The following XRCC4 variants were observed in gnomAD, a reference collection of about 807,000 sequenced individuals.
The protein encoded by XRCC4 is X-ray repair cross complementing 4, also known as DNA repair protein XRCC4.
In XRCC4, 28 loss-of-function variants were observed where a neutral mutation model predicts 39.1. That is an observed-to-expected ratio of 0.72 (90% CI 0.53 to 0.98). The LOEUF is 0.98. Ranked by LOEUF, XRCC4 falls within the 50% of genes least tolerant of loss-of-function variation. The pLI is 0.00. For missense variants in XRCC4, 350 were observed against 376.4 expected (o/e 0.93, Z 0.58); for synonymous variants, 123 against 126.4 (o/e 0.97, Z 0.18).
At chr5:83,228,235 T>C (rs1309475894) in intron 6 of XRCC4, among the ~76,000 whole-genome samples, 1 of 152,076 alleles carries the variant, frequency 6.6e-6, no homozygotes, top group Non-Finnish European at 1.5e-5. Flanking sequence ...TAACAATCTT[T>C]ACAATAAAGT....
intron 1 of XRCC4, among the ~76,000 whole-genome samples, chr5:83,089,141 T>C (rs1395699486): frequency 6.6e-6 from 1 of 152,238 alleles, no homozygotes; most frequent in East Asian, 1.9e-4. Context: ...TAAATTGTGA[T>C]ACCTTGATAA....
intron 3 of XRCC4, among the ~76,000 whole-genome samples, chr5:83,153,271 T>C (rs1748803609): frequency 1.3e-5 from 2 of 151,486 alleles, no homozygotes; most frequent in Admixed American, 1.3e-4. Context: ...TGCAGTGGCA[T>C]GATCATGGCT....
At chr5:83,257,415 G>A (rs553705363) in intron 6 of XRCC4, among the ~76,000 whole-genome samples, 44 of 151,124 alleles carry the variant, frequency 2.9e-4, no homozygotes, top group African/African-American at 9.4e-4. Context: ...ACATTTATGC[G>A]GTCAACAGAC....
At chr5:83,342,129 T>C (rs1002835814) in intron 7 of XRCC4, among the ~76,000 whole-genome samples, 2 of 152,228 alleles carry the variant, frequency 1.3e-5, no homozygotes, top group African/African-American at 2.4e-5. Context: ...TTTCAGGTAT[T>C]GATTTTTTAA....
At chr5:83,253,822 C>T (rs934723990) in intron 6 of XRCC4, among the ~76,000 whole-genome samples, 3 of 152,180 alleles carry the variant, frequency 2.0e-5, no homozygotes, top group African/African-American at 7.2e-5. Context: ...AGTGTCATTT[C>T]ATTCCCACAT....
intron 3 of XRCC4, among the ~76,000 whole-genome samples, chr5:83,128,478 G>C (rs1300625317): frequency 6.6e-6 from 1 of 151,978 alleles, no homozygotes; most frequent in East Asian, 1.9e-4. Flanking sequence ...TAATCCTTTG[G>C]GTATATACCC....
the XRCC4 span, among the ~76,000 whole-genome samples, chr5:83,367,991 AAC>A: frequency 6.6e-6 from 1 of 151,990 alleles, no homozygotes; most frequent in Non-Finnish European, 1.5e-5. Context: ...GTATGGAGAA[AAC>A]ACAGCTGATG....
At chr5:83,307,876 G>A (rs1050494162) in intron 7 of XRCC4, among the ~76,000 whole-genome samples, 3 of 152,068 alleles carry the variant, frequency 2.0e-5, no homozygotes, top group East Asian at 1.9e-4. Context: ...AATTCCAGAC[G>A]GAAAATTCCA....
At chr5:83,200,212 A>T (rs1483432049) in intron 4 of XRCC4, among the ~76,000 whole-genome samples, 1 of 152,232 alleles carries the variant, frequency 6.6e-6, no homozygotes, top group Non-Finnish European at 1.5e-5. Flanking sequence ...AAAGGATAGC[A>T]TTCTCTGAGT....
rs1174176365 is a variant in XRCC4, at chr5:83,353,462, C to A, written c.*220C>A. ...ACATTATTCTAAACTATTCATTCAG[C>A]ATGCCTATAATTACATAAATTGTAT... On this transcript the variant is annotated 3_prime_UTR_variant, in exon 8 of 8. Coordinates refer to ENST00000396027, the MANE Select transcript of XRCC4 (RefSeq NM_003401.5). The A allele has an allele frequency of 5.9e-5, 21 of 353,772 alleles. No homozygotes were observed. 21.9% of individuals were successfully genotyped at this position (353,772 alleles called of 1,614,324 possible). A position where few individuals can be genotyped will look rare whatever the true frequency, so the allele number is the denominator to read the frequency against.
At chr5:83,296,039 G>C (rs1256801376) in intron 7 of XRCC4, among the ~76,000 whole-genome samples, 1 of 152,078 alleles carries the variant, frequency 6.6e-6, no homozygotes, top group Non-Finnish European at 1.5e-5. Flanking sequence ...AATAGAGTTT[G>C]ATGCTTTCCA....
intron 7 of XRCC4, among the ~76,000 whole-genome samples, chr5:83,300,491 G>A (rs990480041): frequency 2.0e-5 from 3 of 150,726 alleles, no homozygotes; most frequent in African/African-American, 4.9e-5. Flanking sequence ...AACCTTATGG[G>A]CAAAGTTTAT....
rs1580341276 is a variant in XRCC4 at position 83,184,085 on chromosome 5, G to C, written c.316-11685G>C. ...AAAAAAATTTTTAATAAATATTTTT[G>C]AATGAAAAAATTTGGCAGAATTTTT... On this transcript the variant is annotated intron_variant, in intron 3 of 7. Transcript: ENST00000396027. 4.6e-5 allele frequency among the ~76,000 whole-genome samples: 7 copies of C among 151,948 alleles called. No individual in the cohort carries two copies. In the South Asian group the frequency reaches 1.5e-3, roughly 32 times the overall value.
intron 6 of XRCC4, among the ~76,000 whole-genome samples, chr5:83,256,974 AC>A: frequency 6.6e-6 from 1 of 152,192 alleles, no homozygotes; most frequent in East Asian, 1.9e-4. Context: ...TACATGGAAA[AC>A]CCATAGCAAA....
rs190132628 is a variant in XRCC4 at position 83,307,995 on chromosome 5, A to G, written c.894-45136A>G. Among the ~76,000 whole-genome samples, 65 of 152,350 alleles carry G rather than the reference A, an allele frequency of 4.3e-4. 1 individual carries two copies. The highest frequency in any genetic ancestry group is 3.5e-4 in the Non-Finnish European group (24 of 68,038). On this transcript the variant is annotated intron_variant, in intron 7 of 7. Coordinates refer to ENST00000396027, the MANE Select transcript of XRCC4 (RefSeq NM_003401.5). ...CACACAATATACTCTGTATCTTACC[A>G]GAACATATTATATATTCCTCTTCCA... is the stretch of plus-strand genomic sequence containing the variant.
At chr5:83,105,546 C>T (rs1174326763) in intron 2 of XRCC4, among the ~76,000 whole-genome samples, 6 of 152,028 alleles carry the variant, frequency 3.9e-5, no homozygotes, top group Non-Finnish European at 8.8e-5. Context: ...AAGGTTCACA[C>T]CCACATTTAG....
chr5:83,309,210 C>G (rs1207096826), intron 7 of XRCC4, among the ~76,000 whole-genome samples: 1 of 127,442 alleles, frequency 7.8e-6, no homozygotes, highest in Non-Finnish European at 1.6e-5. Flanking sequence ...ACCCGGGAGG[C>G]GAGCCAAGAT....
At chr5:83,240,865 T>G (rs1249055653) in intron 6 of XRCC4, among the ~76,000 whole-genome samples, 1 of 152,192 alleles carries the variant, frequency 6.6e-6, no homozygotes, top group East Asian at 1.9e-4. Flanking sequence ...CACAAGTATG[T>G]AAAAACCAGT....
chr5:83,152,936 A>G (rs548343847), intron 3 of XRCC4, among the ~76,000 whole-genome samples: 4 of 152,278 alleles, frequency 2.6e-5, no homozygotes, highest in South Asian at 2.1e-4. Flanking sequence ...TTGTGTATGT[A>G]TTAAATTCGA....
Sources: allele counts gnomAD v4.1 joint callset (sites outside exome capture counted in the v4.1 genomes callset), GRCh38; gene constraint gnomAD v4.1.1; transcripts MANE v1.5; gene names NCBI Gene and HGNC (gene_info 2026-07-23, HGNC 2026-07-21).